The following BTBD9 variants were observed in gnomAD, a reference collection of about 807,000 sequenced individuals.
The protein encoded by BTBD9 is BTB/POZ domain-containing protein 9.
A neutral mutation model predicts 64.3 loss-of-function variants in BTBD9; 49 were observed. The observed-to-expected ratio is 0.76, with a 90% CI of 0.61 to 0.97. The LOEUF (loss-of-function observed/expected upper bound fraction) is 0.97. Ranked by LOEUF, BTBD9 falls within the 50% of genes least tolerant of loss-of-function variation. The pLI is 0.00. For synonymous variants in BTBD9, 260 were observed against 274.7 expected, an observed-to-expected ratio of 0.95 and a Z score of 0.53; for missense variants, 598 against 762.1, an observed-to-expected ratio of 0.78 and a Z score of 2.53.
In BTBD9 at chr6:38,535,026, CAG is replaced by C. The variant is rs1020873472; in HGVS notation, c.1154+42572_1154+42573del. On this transcript the variant is annotated intron_variant, in intron 6 of 10. Transcript: ENST00000481247. ...TAGTGGAAACCCTAGCCAGAGCAATCAGATAACAGAAAGAAATAAAGAGCATC... is the reference window on the plus strand; with the variant it reads ...TAGTGGAAACCCTAGCCAGAGCAATCATAACAGAAAGAAATAAAGAGCATC... Among the ~76,000 whole-genome samples, 56 of 152,140 alleles carry C rather than the reference CAG, an allele frequency of 3.7e-4. 1 individual carries two copies. Among genetic ancestry groups the C allele is most frequent in the African/African-American group, 1.3e-3 (54 of 41,536 alleles).
chr6:38,633,466 T>C (rs1464828074), intron 1 of BTBD9, among the ~76,000 whole-genome samples: 3 of 152,216 alleles, frequency 2.0e-5, no homozygotes, highest in African/African-American at 4.8e-5. Context: ...ATTAGATAAA[T>C]AGCACCTTGT....
chr6:38,285,024 C>A (rs1761677659), intron 8 of BTBD9, among the ~76,000 whole-genome samples: 1 of 151,998 alleles, frequency 6.6e-6, no homozygotes. Flanking sequence ...ACACGCAGGA[C>A]ACGAGGTTGT....
intron 6 of BTBD9, among the ~76,000 whole-genome samples, chr6:38,457,020 A>G (rs1219097101): frequency 6.6e-6 from 1 of 152,208 alleles, no homozygotes; most frequent in Non-Finnish European, 1.5e-5. Flanking sequence ...AAGAAGCCAG[A>G]CAGAAGAATA....
chr6:38,385,554 G>A (rs1766121066), intron 6 of BTBD9, among the ~76,000 whole-genome samples: 1 of 151,944 alleles, frequency 6.6e-6, no homozygotes. Context: ...ATTTATTATT[G>A]CAAGAGTAAA....
At chr6:38,466,283 CTTTTTTTTTT>C (rs67769669) in intron 6 of BTBD9, among the ~76,000 whole-genome samples, 89 of 44,088 alleles carry the variant, frequency 2.0e-3, no homozygotes, top group African/African-American at 6.5e-3. Context: ...CTTCCTTTTC[CTTTTTTTTTT>C]TTTTTTTTTT....
intron 6 of BTBD9, among the ~76,000 whole-genome samples, chr6:38,372,662 T>C (rs982379588): frequency 6.6e-6 from 1 of 152,220 alleles, no homozygotes; most frequent in Non-Finnish European, 1.5e-5. Flanking sequence ...CCTACCCATC[T>C]GGTGCTAGAA....
intron 1 of BTBD9, among the ~76,000 whole-genome samples, chr6:38,634,743 G>A (rs953784923): frequency 1.4e-4 from 21 of 152,296 alleles, no homozygotes; most frequent in African/African-American, 5.1e-4. Flanking sequence ...TGAAATCTGT[G>A]TGTGAGGTAC....
At chr6:38,366,333 C>A (rs1473283956) in intron 6 of BTBD9, among the ~76,000 whole-genome samples, 2 of 152,198 alleles carry the variant, frequency 1.3e-5, no homozygotes, top group South Asian at 2.1e-4. Flanking sequence ...TGCTCTGCCT[C>A]TAGCTTCCTT....
intron 9 of BTBD9, among the ~76,000 whole-genome samples, chr6:38,249,366 C>T (rs187361396): frequency 2.0e-5 from 3 of 152,178 alleles, no homozygotes; most frequent in East Asian, 3.9e-4. Flanking sequence ...CAATCCTCCC[C>T]GCTCAGCGTC....
At chr6:38,465,707 TTATATATATATATATATATATATATA>T (rs1157324453) in intron 6 of BTBD9, among the ~76,000 whole-genome samples, 743 of 46,850 alleles carry the variant, frequency 0.016, 42 homozygotes, top group Non-Finnish European at 0.022. Context: ...AATAAATAAA[TTATATATATATATATATATATATATA>T]TATATATATA....
At chr6:38,441,123 AAGG>A (rs1474500431) in intron 6 of BTBD9, among the ~76,000 whole-genome samples, 1 of 152,206 alleles carries the variant, frequency 6.6e-6, no homozygotes, top group African/African-American at 2.4e-5. Context: ...GAAACCTTCT[AAGG>A]AGCACAGAAA....
intron 10 of BTBD9, among the ~76,000 whole-genome samples, chr6:38,187,994 T>C (rs991941251): frequency 6.6e-6 from 1 of 152,060 alleles, no homozygotes; most frequent in African/African-American, 2.4e-5. Context: ...CGGGGAAAAT[T>C]AGCATGCAGC....
intron 6 of BTBD9, among the ~76,000 whole-genome samples, chr6:38,527,291 AAAAAAGAT>A (rs1562298926): frequency 7.1e-6 from 1 of 140,416 alleles, no homozygotes; most frequent in African/African-American, 2.6e-5. Flanking sequence ...AAAAAAAAAA[AAAAAAGAT>A]GTGATTTGGT....
intron 7 of BTBD9, among the ~76,000 whole-genome samples, chr6:38,294,687 G>A (rs1762094319): frequency 6.6e-6 from 1 of 152,092 alleles, no homozygotes; most frequent in African/African-American, 2.4e-5. Context: ...AGCATTACGA[G>A]AAATACCTAA....
chr6:38,609,775 TATC>T (rs995550585), intron 1 of BTBD9, among the ~76,000 whole-genome samples: 1 of 152,238 alleles, frequency 6.6e-6, no homozygotes, highest in Admixed American at 6.5e-5. Context: ...CTCTTTCTTT[TATC>T]ATGATTGAAA....
chr6:38,466,631 T>A (rs1770410521), intron 6 of BTBD9, among the ~76,000 whole-genome samples: 1 of 152,112 alleles, frequency 6.6e-6, no homozygotes, highest in Admixed American at 6.5e-5. Context: ...AGGTTTTTTG[T>A]GAGTTTTTGT....
chr6:38,313,194 ATTGT>A lies in BTBD9; in HGVS notation c.1265-24737_1265-24734del, dbSNP rs1425356893. On this transcript the variant is annotated intron_variant, in intron 7 of 10. Transcript: ENST00000481247. ...ATTACTTTCTTGATTTCTTTTTCAGATTGTTTGCCATAAGCATATAAAAATGCTA... is the reference window on the plus strand; with the variant it reads ...ATTACTTTCTTGATTTCTTTTTCAGATTGCCATAAGCATATAAAAATGCTA... 3.9e-5 allele frequency among the ~76,000 whole-genome samples: 6 copies of A among 151,962 alleles called. No individual in the cohort carries two copies. In the East Asian group the frequency reaches 9.6e-4, roughly 24 times the overall value.
At chr6:38,511,911 C>G (rs1175432262) in intron 6 of BTBD9, among the ~76,000 whole-genome samples, 1 of 152,126 alleles carries the variant, frequency 6.6e-6, no homozygotes, top group African/African-American at 2.4e-5. Context: ...GTCTAGGACC[C>G]TCTTGAAAGC....
chr6:38,352,546 G>C (rs1244262480), intron 6 of BTBD9, among the ~76,000 whole-genome samples: 2 of 152,096 alleles, frequency 1.3e-5, no homozygotes, highest in African/African-American at 4.8e-5. Flanking sequence ...TCAAAAGAAA[G>C]GCCTAGGTTC....
Sources: gnomAD v4.1 joint callset for allele counts (sites outside exome capture counted in the v4.1 genomes callset) on GRCh38, gnomAD v4.1.1 for gene constraint, MANE v1.5 for transcripts, NCBI Gene and HGNC (gene_info 2026-07-23, HGNC 2026-07-21) for gene names.